The following ROBO2 variants were observed in gnomAD, a reference collection of about 807,000 sequenced individuals.
ROBO2 encodes roundabout guidance receptor 2.
ROBO2 carries 53 observed loss-of-function variants against 160.8 expected under a neutral mutation model. That is an observed-to-expected ratio of 0.33 (90% CI 0.26 to 0.41). The LOEUF is 0.41. Ranked by LOEUF, ROBO2 falls within the 10% of genes least tolerant of loss-of-function variation. The pLI, the probability that ROBO2 is intolerant of heterozygous loss-of-function variation, is 1.00. For missense variants in ROBO2, 1,577 were observed against 1,722.4 expected (o/e 0.92, Z 1.49); for synonymous variants, 664 against 611.7 (o/e 1.09, Z -1.26).
intron 2 of ROBO2, among the ~76,000 whole-genome samples, chr3:77,121,162 CT>C (rs2074726744): frequency 6.6e-6 from 1 of 151,944 alleles, no homozygotes; most frequent in Non-Finnish European, 1.5e-5. Context: ...CCAGTCTGGT[CT>C]CAAACTCCTG....
chr3:77,065,252 A>T (rs2066719588), intron 1 of ROBO2, among the ~76,000 whole-genome samples: 1 of 152,192 alleles, frequency 6.6e-6, no homozygotes, highest in Admixed American at 6.5e-5. Flanking sequence ...TCACATATTA[A>T]AGAGACGTTT....
At chr3:76,937,211 C>T (rs1175387791) in intron 2 of ROBO2, among the ~76,000 whole-genome samples, 2 of 152,164 alleles carry the variant, frequency 1.3e-5, no homozygotes, top group Non-Finnish European at 2.9e-5. Flanking sequence ...AGGGCTAGGT[C>T]ATTTTACCAT....
intron 2 of ROBO2, among the ~76,000 whole-genome samples, chr3:77,183,559 C>A (rs1467860449): frequency 6.6e-6 from 1 of 151,924 alleles, no homozygotes; most frequent in African/African-American, 2.4e-5. Context: ...AGGGCAGAGG[C>A]CTTAGAAAGA....
chr3:77,520,363 G>T (rs781703555), intron 5 of ROBO2, among the ~76,000 whole-genome samples: 1 of 151,062 alleles, frequency 6.6e-6, no homozygotes. Context: ...CATTTTATTT[G>T]CCTAAGTGTC....
At chr3:77,359,652 T>C (rs2069638591) in intron 2 of ROBO2, among the ~76,000 whole-genome samples, 2 of 152,024 alleles carry the variant, frequency 1.3e-5, no homozygotes, top group Non-Finnish European at 2.9e-5. Flanking sequence ...AAAGAAAACA[T>C]CTGAAATACC....
chr3:76,869,506 C>T (rs531057032), intron 2 of ROBO2, among the ~76,000 whole-genome samples: 40 of 151,836 alleles, frequency 2.6e-4, no homozygotes, highest in African/African-American at 9.2e-4. Context: ...CCCGACACCA[C>T]GCCTCGTATT....
At chr3:76,706,262 A>G (rs1007080016) in intron 2 of ROBO2, among the ~76,000 whole-genome samples, 1 of 152,108 alleles carries the variant, frequency 6.6e-6, no homozygotes, top group Admixed American at 6.6e-5. Flanking sequence ...ACATTAAAAC[A>G]TTGTTCATTT....
chr3:77,497,048 C>T lies in ROBO2; in HGVS notation c.806+3666C>T, dbSNP rs116651913. On this transcript the variant is annotated intron_variant, in intron 5 of 25. Coordinates refer to ENST00000461745, the Ensembl canonical transcript of ROBO2. Reference sequence around the variant, plus strand: ...GAAGCATAGCAAGTCTAACAATAACCCTTATGCTCAACTAGGGAAAATTAT... The same window carrying T: ...GAAGCATAGCAAGTCTAACAATAACTCTTATGCTCAACTAGGGAAAATTAT... 5.6e-3 allele frequency among the ~76,000 whole-genome samples: 851 copies of T among 152,100 alleles called. 10 individuals are homozygous for T. Among genetic ancestry groups the T allele is most frequent in the African/African-American group, 0.019 (794 of 41,526 alleles).
intron 2 of ROBO2, among the ~76,000 whole-genome samples, chr3:77,107,894 A>G (rs1197413271): frequency 6.6e-6 from 1 of 152,178 alleles, no homozygotes; most frequent in Non-Finnish European, 1.5e-5. Context: ...AACATGAGGT[A>G]TATTTGATAT....
rs542057766 is a variant in ROBO2 at position 77,114,559 on chromosome 3, A to C, written c.388+16219A>C. Among the ~76,000 whole-genome samples, 10 of 152,286 alleles carry C rather than the reference A, an allele frequency of 6.6e-5. No individual in the cohort carries two copies. The East Asian group carries it at 1.9e-3, about 29-fold the overall frequency. Reference sequence around the variant, plus strand: ...GCTGTTCATGTATCCATGTCTACACAGTCCTCGTTCACCTTGTGACCATGT... The same window carrying C: ...GCTGTTCATGTATCCATGTCTACACCGTCCTCGTTCACCTTGTGACCATGT... On this transcript the variant is annotated intron_variant, in intron 2 of 25. Transcript: ENST00000461745.
At position 77,157,132 on chromosome 3, in the gene ROBO2, T is replaced by G. The variant is rs182871221; in HGVS notation, c.388+58792T>G. 3.3e-3 allele frequency among the ~76,000 whole-genome samples: 496 copies of G among 152,204 alleles called. 1 individual carries two copies. The highest frequency in any genetic ancestry group is 0.011 in the African/African-American group (468 of 41,566). On this transcript the variant is annotated intron_variant, in intron 2 of 25. Transcript: ENST00000461745. ...CACTAAATGTAGAAAACCATATTGT[T>G]ATACCACTGATTATATGTCTATAGA... is the stretch of plus-strand genomic sequence containing the variant.
At chr3:76,186,523 T>TTCC (rs1553670325) in intron 2 of ROBO2, among the ~76,000 whole-genome samples, 1 of 151,908 alleles carries the variant, frequency 6.6e-6, no homozygotes, top group East Asian at 2.0e-4. Context: ...GTATCTGTTT[T>TTCC]TCTCACAAGA....
At chr3:77,352,728 T>C (rs1378431810) in intron 2 of ROBO2, among the ~76,000 whole-genome samples, 1 of 152,162 alleles carries the variant, frequency 6.6e-6, no homozygotes, top group Non-Finnish European at 1.5e-5. Context: ...CTTAGCAACA[T>C]CAAAGTCATC....
At chr3:76,423,331 C>G (rs1460961671) in intron 2 of ROBO2, among the ~76,000 whole-genome samples, 2 of 152,134 alleles carry the variant, frequency 1.3e-5, no homozygotes, top group East Asian at 1.9e-4. Context: ...CAAACATAAA[C>G]AGAACATTTA....
intron 2 of ROBO2, among the ~76,000 whole-genome samples, chr3:76,433,009 CTG>C (rs1322967729): frequency 1.3e-5 from 2 of 152,172 alleles, no homozygotes; most frequent in East Asian, 1.9e-4. Flanking sequence ...CATTTAGAAA[CTG>C]TGACCACCAT....
At chr3:76,661,765 A>T (rs1014006507) in intron 2 of ROBO2, among the ~76,000 whole-genome samples, 2 of 152,188 alleles carry the variant, frequency 1.3e-5, no homozygotes, top group Non-Finnish European at 2.9e-5. Flanking sequence ...GAGGCAATAG[A>T]TGGTAAAGGT....
At chr3:76,397,302 A>G (rs2077516808) in intron 2 of ROBO2, among the ~76,000 whole-genome samples, 1 of 152,150 alleles carries the variant, frequency 6.6e-6, no homozygotes, top group African/African-American at 2.4e-5. Flanking sequence ...TCCCTTCCTT[A>G]CACCTTATAC....
chr3:76,009,973 A>G (rs146861970), intron 2 of ROBO2, among the ~76,000 whole-genome samples: 9 of 152,098 alleles, frequency 5.9e-5, no homozygotes, highest in Non-Finnish European at 8.8e-5. Context: ...AGTGATTACT[A>G]TTTCTTTTCT....
chr3:76,350,982 T>G (rs2108283963), intron 2 of ROBO2, among the ~76,000 whole-genome samples: 1 of 152,146 alleles, frequency 6.6e-6, no homozygotes, highest in South Asian at 2.1e-4. Flanking sequence ...TATTTTAATT[T>G]CAGTATTTTA....
Sources: allele counts gnomAD v4.1 joint callset (sites outside exome capture counted in the v4.1 genomes callset), GRCh38; gene constraint gnomAD v4.1.1; transcripts MANE v1.5; gene names NCBI Gene and HGNC (gene_info 2026-07-23, HGNC 2026-07-21).